CDKAL1: variants seen among roughly 807,000 people sequenced by gnomAD.
CDKAL1 encodes the protein threonylcarbamoyladenosine tRNA methylthiotransferase.
In CDKAL1, 32 loss-of-function variants were observed where a neutral mutation model predicts 68.2. The observed-to-expected ratio is 0.47, with a 90% confidence interval of 0.35 to 0.63. CDKAL1 has a LOEUF of 0.63. Ranked by LOEUF, CDKAL1 falls within the 30% of genes least tolerant of loss-of-function variation. The pLI is 0.00. For synonymous variants in CDKAL1, 234 were observed against 244.3 expected (o/e 0.96, Z 0.39); for missense variants, 606 against 696.7 (o/e 0.87, Z 1.47).
rs60342057 is a variant in CDKAL1, at chr6:21,069,804, T to TTTTTTTTA, written c.1236+4576_1236+4577insTTTTTTTA. 1.2e-3 allele frequency among the ~76,000 whole-genome samples: 103 copies of TTTTTTTTA among 85,456 alleles called. 6 individuals carry two copies. The highest frequency in any genetic ancestry group is 2.6e-3 in the South Asian group (6 of 2,278). The allele number at this position is 85,456 out of a possible 152,430, so 56.1% of individuals were successfully genotyped here. On this transcript the variant is annotated intron_variant, in intron 12 of 15. Transcript: ENST00000274695. ...TTTTTTTTTTTTTTTTTTTTTTTTT[T>TTTTTTTTA]AAAACAGAGCCTTGCTCTGTCACCC...
chr6:20,736,646 C>G (rs1180441170), intron 5 of CDKAL1, among the ~76,000 whole-genome samples: 2 of 151,878 alleles, frequency 1.3e-5, no homozygotes, highest in African/African-American at 4.8e-5. Flanking sequence ...GTGGTGGGCA[C>G]CTGTAGTCCC....
chr6:21,120,155 A>AG (rs1307633882), intron 13 of CDKAL1, among the ~76,000 whole-genome samples: 1 of 152,224 alleles, frequency 6.6e-6, no homozygotes, highest in African/African-American at 2.4e-5. Flanking sequence ...GGTTTTTCCT[A>AG]GGAGGCAGGC....
intron 13 of CDKAL1, among the ~76,000 whole-genome samples, chr6:21,157,217 G>A (rs780359568): frequency 2.0e-5 from 3 of 152,154 alleles, no homozygotes; most frequent in Admixed American, 6.5e-5. Flanking sequence ...CACCTTGCAA[G>A]GTTTTAAGCA....
At chr6:20,903,817 T>C (rs903653283) in intron 9 of CDKAL1, among the ~76,000 whole-genome samples, 7 of 152,232 alleles carry the variant, frequency 4.6e-5, no homozygotes, top group Admixed American at 1.3e-4. Context: ...AAGAGGATTC[T>C]GGGAAGATGG....
At chr6:20,600,501 A>G (rs944114390) in intron 4 of CDKAL1, among the ~76,000 whole-genome samples, 13 of 152,162 alleles carry the variant, frequency 8.5e-5, no homozygotes, top group East Asian at 5.8e-4. Flanking sequence ...GATTCTGTCA[A>G]TTTCATTTAA....
At chr6:20,609,297 T>TCTCCTTCTTCTCCTTCTCCTCCTC (rs1554162648) in intron 4 of CDKAL1, among the ~76,000 whole-genome samples, 2 of 136,090 alleles carry the variant, frequency 1.5e-5, no homozygotes, top group African/African-American at 3.1e-5. Flanking sequence ...TTCTTCTCCT[T>TCTCCTTCTTCTCCTTCTCCTCCTC]CTCCTCCTCC....
intron 6 of CDKAL1, among the ~76,000 whole-genome samples, chr6:20,752,085 CT>C (rs1773947920): frequency 6.6e-6 from 1 of 151,720 alleles, no homozygotes; most frequent in South Asian, 2.1e-4. Context: ...TCCCCCTCCC[CT>C]GACTCTTCTC....
chr6:21,202,948 G>A (rs1475272467), intron 15 of CDKAL1, among the ~76,000 whole-genome samples: 1 of 152,198 alleles, frequency 6.6e-6, no homozygotes, highest in Non-Finnish European at 1.5e-5. Context: ...TTGCTGGTCT[G>A]TTAGAGCCTC....
At chr6:20,772,839 C>T (rs930449256) in intron 7 of CDKAL1, 20 of 152,144 alleles carry the variant, frequency 1.3e-4, no homozygotes, top group African/African-American at 3.6e-4. Context: ...ATCTTACCTT[C>T]GCCTCCTCCC....
At chr6:20,786,234 A>G (rs1775665997) in intron 8 of CDKAL1, among the ~76,000 whole-genome samples, 4 of 152,204 alleles carry the variant, frequency 2.6e-5, no homozygotes, top group Admixed American at 2.6e-4. Flanking sequence ...CTAAATAAAT[A>G]AAATAAAACA....
chr6:20,873,088 C>T (rs968971290), intron 9 of CDKAL1, among the ~76,000 whole-genome samples: 2 of 151,972 alleles, frequency 1.3e-5, no homozygotes, highest in South Asian at 2.1e-4. Context: ...TCTGTGGCTC[C>T]GTTTAAAAAT....
intron 8 of CDKAL1, among the ~76,000 whole-genome samples, chr6:20,781,922 G>A (rs1454093281): frequency 6.6e-6 from 1 of 152,122 alleles, no homozygotes; most frequent in African/African-American, 2.4e-5. Context: ...TTAAATCACA[G>A]GGAGCACCTA....
intron 15 of CDKAL1, among the ~76,000 whole-genome samples, chr6:21,220,042 TG>T (rs1296004154): frequency 7.4e-4 from 112 of 152,268 alleles, no homozygotes; most frequent in Non-Finnish European, 1.2e-4. Context: ...GCCACACCTG[TG>T]GGGCAGCTTT....
chr6:20,554,430 G>T (rs1441069886), intron 4 of CDKAL1, among the ~76,000 whole-genome samples: 3 of 152,140 alleles, frequency 2.0e-5, no homozygotes, highest in African/African-American at 7.2e-5. Flanking sequence ...ATTGTTTTCA[G>T]TGTGCTCATT....
chr6:21,174,982 G>A (rs1327811903), intron 13 of CDKAL1, among the ~76,000 whole-genome samples: 1 of 152,168 alleles, frequency 6.6e-6, no homozygotes, highest in Non-Finnish European at 1.5e-5. Flanking sequence ...GCAACATAAG[G>A]CGCTGGGCTT....
intron 9 of CDKAL1, among the ~76,000 whole-genome samples, chr6:20,925,286 T>G (rs570008825): frequency 6.6e-6 from 1 of 152,366 alleles, no homozygotes; most frequent in Admixed American, 6.5e-5. Context: ...TATTGCATAC[T>G]TAAGAGACCA....
At chr6:20,863,999 G>A (rs1361517314) in intron 9 of CDKAL1, among the ~76,000 whole-genome samples, 1 of 152,050 alleles carries the variant, frequency 6.6e-6, no homozygotes, top group Admixed American at 6.6e-5. Flanking sequence ...TATGTAATTT[G>A]TTTTAGTAAA....
intron 5 of CDKAL1, among the ~76,000 whole-genome samples, chr6:20,725,949 T>C (rs1394570386): frequency 6.6e-6 from 1 of 152,112 alleles, no homozygotes; most frequent in Non-Finnish European, 1.5e-5. Context: ...ATGCCTTACT[T>C]TTCAACCTGA....
At chr6:20,816,097 T>C (rs1478782772) in intron 8 of CDKAL1, among the ~76,000 whole-genome samples, 2 of 149,442 alleles carry the variant, frequency 1.3e-5, no homozygotes, top group Non-Finnish European at 3.0e-5. Context: ...CATACTGATA[T>C]CTGGACACAT....
Sources: allele counts gnomAD v4.1 joint callset (sites outside exome capture counted in the v4.1 genomes callset), GRCh38; gene constraint gnomAD v4.1.1; transcripts MANE v1.5; gene names NCBI Gene and HGNC (gene_info 2026-07-23, HGNC 2026-07-21).